Variants in CTNNA2 observed in about 807,000 individuals in gnomAD.
The protein encoded by CTNNA2 is catenin alpha 2.
A neutral mutation model predicts 101.0 loss-of-function variants in CTNNA2; 42 were observed. The observed-to-expected ratio is 0.42, with a 90% CI of 0.32 to 0.54. The LOEUF (loss-of-function observed/expected upper bound fraction) is 0.54. Among genes scored for constraint, CTNNA2 ranks in the 20% least tolerant of loss-of-function variants. The pLI, the probability that CTNNA2 is intolerant of heterozygous loss-of-function variation, is 0.14. For missense variants in CTNNA2, 871 were observed against 1,223.1 expected, an observed-to-expected ratio of 0.71 and a Z score of 4.29; for synonymous variants, 450 against 456.4, an observed-to-expected ratio of 0.99 and a Z score of 0.18.
At chr2:80,437,457 A>T (rs1416966881) in intron 9 of CTNNA2, among the ~76,000 whole-genome samples, 2 of 152,220 alleles carry the variant, frequency 1.3e-5, no homozygotes, top group Admixed American at 6.5e-5. Context: ...TTAATGTCAA[A>T]AAATGGATAC....
chr2:80,058,152 G>T (rs1292750434), intron 7 of CTNNA2, among the ~76,000 whole-genome samples: 1 of 152,200 alleles, frequency 6.6e-6, no homozygotes, highest in Non-Finnish European at 1.5e-5. Context: ...CATCTGCTCT[G>T]CAGTTTCTCT....
intron 7 of CTNNA2, among the ~76,000 whole-genome samples, chr2:79,947,881 A>G (rs1688611682): frequency 6.6e-6 from 1 of 152,156 alleles, no homozygotes; most frequent in Admixed American, 6.5e-5. Flanking sequence ...TTTGCTATGG[A>G]CTTAAAGAGG....
At chr2:79,812,661 G>C (rs116578607) in intron 3 of CTNNA2, among the ~76,000 whole-genome samples, 3,092 of 152,150 alleles carry the variant, frequency 0.02, 94 homozygotes, top group African/African-American at 0.07. Flanking sequence ...AAAAGGAATT[G>C]CTTACATTTA....
At chr2:79,590,671 C>T (rs1327354492) in intron 1 of CTNNA2, among the ~76,000 whole-genome samples, 3 of 151,990 alleles carry the variant, frequency 2.0e-5, no homozygotes, top group South Asian at 4.2e-4. Flanking sequence ...CTATGGCTGA[C>T]AAAGTCCTGT....
chr2:79,645,107 G>A (rs1429091443), intron 1 of CTNNA2, among the ~76,000 whole-genome samples: 3 of 151,572 alleles, frequency 2.0e-5, no homozygotes, highest in Admixed American at 6.6e-5. Context: ...CTCAGCCTCC[G>A]GAGTAGGTAG....
intron 13 of CTNNA2, among the ~76,000 whole-genome samples, chr2:80,578,555 A>G (rs1169389281): frequency 6.6e-6 from 1 of 152,216 alleles, no homozygotes; most frequent in Non-Finnish European, 1.5e-5. Context: ...ACACACTCAC[A>G]TGCAATTAGC....
intron 4 of CTNNA2, among the ~76,000 whole-genome samples, chr2:79,498,594 TA>T (rs201512325): frequency 0.011 from 1,701 of 151,338 alleles, 36 homozygotes; most frequent in African/African-American, 0.039. Flanking sequence ...TCGGAGCAAT[TA>T]AAAAAAAACC....
chr2:80,194,713 G>A (rs891757975), intron 7 of CTNNA2, among the ~76,000 whole-genome samples: 11 of 150,252 alleles, frequency 7.3e-5, no homozygotes, highest in Non-Finnish European at 5.9e-5. Context: ...AAATACCCGT[G>A]TGTCACTATA....
intron 2 of CTNNA2, among the ~76,000 whole-genome samples, chr2:79,657,919 C>A (rs983907646): frequency 6.6e-6 from 1 of 151,388 alleles, no homozygotes; most frequent in Non-Finnish European, 1.5e-5. Flanking sequence ...AAATAATGTA[C>A]CACGTAAATT....
At chr2:79,938,731 T>TC (rs1306602408) in intron 7 of CTNNA2, among the ~76,000 whole-genome samples, 1 of 152,188 alleles carries the variant, frequency 6.6e-6, no homozygotes, top group African/African-American at 2.4e-5. Context: ...AAAAGTATTA[T>TC]CTAGAACACT....
At chr2:80,244,199 G>A (rs930952684) in intron 7 of CTNNA2, among the ~76,000 whole-genome samples, 4 of 152,124 alleles carry the variant, frequency 2.6e-5, no homozygotes, top group African/African-American at 9.7e-5. Flanking sequence ...AAAATTTCTG[G>A]CCATTATTAT....
At chr2:80,223,938 A>C (rs2149060187) in intron 7 of CTNNA2, among the ~76,000 whole-genome samples, 1 of 152,252 alleles carries the variant, frequency 6.6e-6, no homozygotes, top group Non-Finnish European at 1.5e-5. Context: ...ACGGGTAGTA[A>C]AGCTGACATA....
chr2:79,837,641 C>T lies in CTNNA2; in HGVS notation c.299-20372C>T, dbSNP rs567274955. On this transcript the variant is annotated intron_variant, in intron 3 of 18. Coordinates refer to ENST00000402739, the MANE Select transcript of CTNNA2 (RefSeq NM_001282597.3). ...AGGTACATATGTGGAGAGGTGTCAGCGAAAACTTTTTTTTCTCTTCTCCTA... is the reference window on the plus strand; with the variant it reads ...AGGTACATATGTGGAGAGGTGTCAGTGAAAACTTTTTTTTCTCTTCTCCTA... Among the ~76,000 whole-genome samples the T allele has an allele frequency of 8.6e-4, 130 of 151,864 alleles. 1 individual carries two copies. Among genetic ancestry groups the T allele is most frequent in the South Asian group, 2.9e-3 (14 of 4,790 alleles).
chr2:80,360,473 C>T (rs540404954), intron 7 of CTNNA2, among the ~76,000 whole-genome samples: 2 of 152,136 alleles, frequency 1.3e-5, no homozygotes, highest in South Asian at 4.1e-4. Flanking sequence ...AGAATTGTGC[C>T]TTATTTTGTA....
chr2:80,329,541 A>G lies in CTNNA2; in HGVS notation c.1057-63670A>G, dbSNP rs144949673. Among the ~76,000 whole-genome samples, 352 of 152,302 alleles carry G rather than the reference A, an allele frequency of 2.3e-3. 2 individuals are homozygous for G. Among genetic ancestry groups the G allele is most frequent in the African/African-American group, 7.7e-3 (321 of 41,566 alleles). On this transcript the variant is annotated intron_variant, in intron 7 of 18. Coordinates refer to ENST00000402739, the MANE Select transcript of CTNNA2 (RefSeq NM_001282597.3). ...GGAAGTCATCCTGTGGTCACAGAGG[A>G]TGTAGGGAACAGGTTGGCCAGACTG...
At chr2:79,365,915 G>A (rs187475117) in intron 3 of CTNNA2, among the ~76,000 whole-genome samples, 62 of 152,270 alleles carry the variant, frequency 4.1e-4, no homozygotes, top group Admixed American at 1.2e-3. Context: ...TGGCAAGTGC[G>A]ATGGATTGTA....
At chr2:79,361,284 G>C (rs2104447086) in intron 3 of CTNNA2, among the ~76,000 whole-genome samples, 1 of 152,194 alleles carries the variant, frequency 6.6e-6, no homozygotes, top group South Asian at 2.1e-4. Context: ...AACAAGAGTA[G>C]AGTTAAAAGT....
chr2:79,471,684 A>G (rs1389411418), intron 4 of CTNNA2, among the ~76,000 whole-genome samples: 1 of 151,958 alleles, frequency 6.6e-6, no homozygotes, highest in Non-Finnish European at 1.5e-5. Context: ...TAAAAATACA[A>G]AAAATTAGCT....
chr2:79,319,960 T>C (rs1278928380), intron 3 of CTNNA2: 1 of 152,200 alleles, frequency 6.6e-6, no homozygotes, highest in African/African-American at 2.4e-5. Context: ...TCTTGATTTA[T>C]TTTTCTTCCC....
Sources: allele counts gnomAD v4.1 joint callset (sites outside exome capture counted in the v4.1 genomes callset), GRCh38; gene constraint gnomAD v4.1.1; transcripts MANE v1.5; gene names NCBI Gene and HGNC (gene_info 2026-07-23, HGNC 2026-07-21).